MAST4: variants seen among roughly 807,000 people sequenced by gnomAD.
MAST4 encodes the protein microtubule associated serine/threonine kinase family member 4, also known as microtubule-associated serine/threonine-protein kinase 4.
A neutral mutation model predicts 162.7 loss-of-function variants in MAST4; 89 were observed. The observed-to-expected ratio is 0.55, with a 90% CI of 0.46 to 0.65. The LOEUF (loss-of-function observed/expected upper bound fraction) is 0.65. Among genes scored for constraint, MAST4 ranks in the 30% least tolerant of loss-of-function variants. MAST4 has a pLI of 0.00. For missense variants in MAST4, 3,153 were observed against 3,374.0 expected, an observed-to-expected ratio of 0.93 and a Z score of 1.62; for synonymous variants, 1,479 against 1,361.1, an observed-to-expected ratio of 1.09 and a Z score of -1.91.
chr5:66,645,567 C>G (rs116459262), intron 1 of MAST4, among the ~76,000 whole-genome samples: 1,982 of 152,236 alleles, frequency 0.013, 38 homozygotes, highest in African/African-American at 0.044. Context: ...GTTGACCATT[C>G]TCAACCAGTG....
At chr5:66,671,405 G>T (rs1747604089) in intron 1 of MAST4, among the ~76,000 whole-genome samples, 1 of 152,168 alleles carries the variant, frequency 6.6e-6, no homozygotes, top group Admixed American at 6.5e-5. Context: ...TACCAGCTAA[G>T]TCTGTCCCTT....
At chr5:66,654,638 G>GAGCT (rs1226206823) in intron 1 of MAST4, among the ~76,000 whole-genome samples, 15 of 152,328 alleles carry the variant, frequency 9.8e-5, no homozygotes, top group African/African-American at 3.6e-4. Flanking sequence ...ATGAAGTTTA[G>GAGCT]AGGAAAGAAT....
chr5:66,965,958 A>G (rs566494691), intron 4 of MAST4, among the ~76,000 whole-genome samples: 2 of 152,348 alleles, frequency 1.3e-5, no homozygotes, highest in East Asian at 3.9e-4. Flanking sequence ...ACAATCTATA[A>G]TGAGTAACAG....
intron 6 of MAST4, among the ~76,000 whole-genome samples, chr5:67,092,088 G>A (rs1201390491): frequency 5.3e-5 from 8 of 152,212 alleles, no homozygotes; most frequent in African/African-American, 1.7e-4. Context: ...GCAACATGGA[G>A]ATTCCACTCC....
intron 5 of MAST4, 99 bp from the exon 6 acceptor site, chr5:67,090,063 A>G (rs762581118): frequency 5.0e-5 from 45 of 899,664 alleles, no homozygotes; most frequent in Non-Finnish European, 7.3e-5. Context: ...AGGACATTCT[A>G]CAGAAATGTA....
Position 66,646,624 on chromosome 5 carries a change from G to A in MAST4, c.363+49606G>A, listed in dbSNP as rs935400371. Reference sequence around the variant, plus strand: ...ATTCATAGAGATATTTTTTAATTCTGTTTTAACACCATGTATAAGAAAATC... The same window carrying A: ...ATTCATAGAGATATTTTTTAATTCTATTTTAACACCATGTATAAGAAAATC... On this transcript the variant is annotated intron_variant, in intron 1 of 28. Transcript: ENST00000403625. Among the ~76,000 whole-genome samples the A allele has an allele frequency of 4.3e-4, 65 of 152,112 alleles. 1 individual carries two copies. The highest frequency in any genetic ancestry group is 4.3e-3 in the Admixed American group (65 of 15,264).
chr5:66,867,888 T>A (rs1442848606), intron 3 of MAST4, among the ~76,000 whole-genome samples: 1 of 152,248 alleles, frequency 6.6e-6, no homozygotes, highest in Admixed American at 6.5e-5. Context: ...ACCAGGAGAC[T>A]GATATCTCAG....
chr5:66,639,299 T>TGTGTGTGTGTGTGTGTGC (rs1745330265), intron 1 of MAST4, among the ~76,000 whole-genome samples: 2 of 151,642 alleles, frequency 1.3e-5, no homozygotes, highest in Non-Finnish European at 2.9e-5. Flanking sequence ...TGTGTGTGTG[T>TGTGTGTGTGTGTGTGTGC]GTGTGTGTGT....
At chr5:66,988,140 G>A (rs1749714656) in intron 4 of MAST4, among the ~76,000 whole-genome samples, 1 of 152,180 alleles carries the variant, frequency 6.6e-6, no homozygotes, top group Non-Finnish European at 1.5e-5. Flanking sequence ...CATTGTAATT[G>A]TATACTTCAG....
intron 1 of MAST4, among the ~76,000 whole-genome samples, chr5:66,628,456 A>G (rs1176920616): frequency 1.3e-5 from 2 of 151,200 alleles, no homozygotes; most frequent in Admixed American, 1.3e-4. Context: ...CATGTTGATT[A>G]TTTACAATGA....
At chr5:66,801,974 G>A (rs915377113) in intron 3 of MAST4, among the ~76,000 whole-genome samples, 2 of 152,122 alleles carry the variant, frequency 1.3e-5, no homozygotes, top group Non-Finnish European at 2.9e-5. Context: ...TACTGTAATT[G>A]GTTAGCTATG....
chr5:67,085,863 A>T (rs940030045), intron 5 of MAST4, among the ~76,000 whole-genome samples: 1 of 152,072 alleles, frequency 6.6e-6, no homozygotes, highest in Non-Finnish European at 1.5e-5. Context: ...GGTGAGATAG[A>T]CTCAAAGTTC....
intron 1 of MAST4, among the ~76,000 whole-genome samples, chr5:66,597,570 G>A (rs890089792): frequency 6.6e-6 from 1 of 152,204 alleles, no homozygotes; most frequent in African/African-American, 2.4e-5. Flanking sequence ...CGGTCCTCTG[G>A]GAGAAGAGGA....
intron 1 of MAST4, among the ~76,000 whole-genome samples, chr5:66,717,035 G>A (rs1236365265): frequency 2.0e-5 from 3 of 152,172 alleles, no homozygotes; most frequent in Non-Finnish European, 2.9e-5. Flanking sequence ...GATCCCAGGC[G>A]ATGAGTATTA....
rs76249950 is a variant in MAST4, at chr5:67,136,428, C to G, written c.2393-135C>G. 4,623 of 605,858 alleles carry G rather than the reference C, an allele frequency of 7.6e-3. 44 individuals are homozygous for G. The highest frequency in any genetic ancestry group is 9.4e-3 in the Non-Finnish European group (3,144 of 332,728). The allele number at this position is 605,858 out of a possible 1,614,324, so 37.5% of individuals were successfully genotyped here. A position where few individuals can be genotyped will look rare whatever the true frequency, so the allele number is the denominator to read the frequency against. ...ATCGACTGAAGATCTTGTTGAAAGG[C>G]AGACTCTGATTTAGTAGGTCCGGAG... On this transcript the variant is annotated intron_variant, in intron 18 of 28. Coordinates refer to ENST00000403625, the MANE Select transcript of MAST4 (RefSeq NM_001164664.2).
chr5:66,983,125 T>C (rs1749066397), intron 4 of MAST4, among the ~76,000 whole-genome samples: 1 of 152,200 alleles, frequency 6.6e-6, no homozygotes, highest in African/African-American at 2.4e-5. Flanking sequence ...AACCCTTTGC[T>C]GCCACTGAGC....
At chr5:66,882,440 TC>T (rs1283300752) in intron 3 of MAST4, among the ~76,000 whole-genome samples, 1 of 152,246 alleles carries the variant, frequency 6.6e-6, no homozygotes, top group Non-Finnish European at 1.5e-5. Context: ...TGCTTTTTTT[TC>T]TTGGCAATTC....
At chr5:66,671,699 A>AT (rs1747622092) in intron 1 of MAST4, among the ~76,000 whole-genome samples, 2 of 152,196 alleles carry the variant, frequency 1.3e-5, no homozygotes, top group South Asian at 4.1e-4. Flanking sequence ...ACAAAACTCT[A>AT]TAACATCCAT....
rs376267878 is a variant in MAST4, at chr5:67,166,534, C to T, written c.7355C>T (p.Thr2452Met). The change falls in exon 29 of 29, where the codon ACG becomes ATG. Residue 2452 changes from threonine (T) to methionine (M), a missense_variant. By Grantham distance (81) the Thr-to-Met change is moderately conservative. Coordinates refer to ENST00000403625, the MANE Select transcript of MAST4 (RefSeq NM_001164664.2). ...ACTGGGCAGAGTTCTTTCCGATCCACGGCCCTCCCGGAAAAGTCTCTGAGC... is the reference window on the plus strand; with the variant it reads ...ACTGGGCAGAGTTCTTTCCGATCCATGGCCCTCCCGGAAAAGTCTCTGAGC... The part of the protein sequence containing the change: ...SATGQSSFRS[T>M]ALPEKSLSCS... The T allele has an allele frequency of 1.7e-5, 28 of 1,606,904 alleles. No individual in the cohort carries two copies. Among genetic ancestry groups the T allele is most frequent in the Non-Finnish European group, 2.4e-5 (28 of 1,176,876 alleles).
Sources: allele counts gnomAD v4.1 joint callset (sites outside exome capture counted in the v4.1 genomes callset), GRCh38; gene constraint gnomAD v4.1.1; transcripts MANE v1.5; gene names NCBI Gene and HGNC (gene_info 2026-07-23, HGNC 2026-07-21).